The following RGS17 variants were observed in gnomAD, a reference collection of about 807,000 sequenced individuals.
RGS17 encodes the protein regulator of G protein signaling 17.
In RGS17, 12 loss-of-function variants were observed where a neutral mutation model predicts 25.5. That is an observed-to-expected ratio of 0.47 (90% CI 0.30 to 0.76). The LOEUF is 0.76. RGS17 is among the 30% of genes least tolerant of loss of function. RGS17 has a pLI of 0.07. For missense variants in RGS17, 196 were observed against 242.2 expected (o/e 0.81, Z 1.27); for synonymous variants, 71 against 76.9 (o/e 0.92, Z 0.40).
intron 1 of RGS17, among the ~76,000 whole-genome samples, chr6:153,111,431 G>A (rs3968480): frequency 0.47 from 71,015 of 152,050 alleles, 17,232 homozygotes; most frequent in East Asian, 0.85. Flanking sequence ...AAGAAAGGCA[G>A]CAGCCCCAGT....
chr6:153,100,809 A>T (rs1777291987), intron 1 of RGS17, among the ~76,000 whole-genome samples: 1 of 152,230 alleles, frequency 6.6e-6, no homozygotes, highest in South Asian at 2.1e-4. Flanking sequence ...AACAGACCGT[A>T]ACCTACTCTT....
chr6:153,092,757 G>A (rs939229876), intron 1 of RGS17, among the ~76,000 whole-genome samples: 1 of 152,214 alleles, frequency 6.6e-6, no homozygotes, highest in Non-Finnish European at 1.5e-5. Context: ...AACAGTGTCT[G>A]ATGACTCATA....
intron 1 of RGS17, among the ~76,000 whole-genome samples, chr6:153,085,816 G>T (rs1315830049): frequency 6.6e-6 from 1 of 151,986 alleles, no homozygotes; most frequent in Non-Finnish European, 1.5e-5. Flanking sequence ...AAAAAATAGA[G>T]CCCATGTACC....
chr6:153,029,307 G>T (rs1779336210), intron 2 of RGS17, among the ~76,000 whole-genome samples: 2 of 152,168 alleles, frequency 1.3e-5, no homozygotes, highest in Non-Finnish European at 2.9e-5. Flanking sequence ...CAAGGTTTCA[G>T]TTATCAAGAA....
intron 1 of RGS17, among the ~76,000 whole-genome samples, chr6:153,049,004 A>C (rs1046114946): frequency 6.6e-6 from 1 of 152,208 alleles, no homozygotes; most frequent in Non-Finnish European, 1.5e-5. Flanking sequence ...CATTCCTATT[A>C]ACGATAAGAA....
chr6:153,053,999 TAC>T (rs1776507016), intron 1 of RGS17, among the ~76,000 whole-genome samples: 4 of 58,792 alleles, frequency 6.8e-5, no homozygotes, highest in Admixed American at 2.0e-4. Flanking sequence ...ATAATATATA[TAC>T]ATATATACGT....
In RGS17 at chr6:153,054,116, GTA is replaced by G. The variant is rs1197939021; in HGVS notation, c.-25-10075_-25-10074del. ...TTTATATATATATATATATATATGT[GTA>G]TATATATATATATACAGCTTTATAC... is the stretch of plus-strand genomic sequence containing the variant. On this transcript the variant is annotated intron_variant, in intron 1 of 4. Coordinates refer to ENST00000206262, the MANE Select transcript of RGS17 (RefSeq NM_012419.5). Among the ~76,000 whole-genome samples, 34 of 38,634 alleles carry G rather than the reference GTA, an allele frequency of 8.8e-4. 5 individuals are homozygous for G. Among genetic ancestry groups the G allele is most frequent in the Non-Finnish European group, 1.1e-3 (25 of 22,874 alleles). 25.3% of individuals were successfully genotyped at this position (38,634 alleles called of 152,430 possible).
chr6:153,090,844 A>C (rs1316166082), intron 1 of RGS17, among the ~76,000 whole-genome samples: 1 of 130,118 alleles, frequency 7.7e-6, no homozygotes, highest in African/African-American at 3.1e-5. Flanking sequence ...TTCAGTAAAA[A>C]AACATAGTAT....
chr6:153,073,809 G>C (rs547976894), intron 1 of RGS17, among the ~76,000 whole-genome samples: 1 of 152,232 alleles, frequency 6.6e-6, no homozygotes, highest in African/African-American at 2.4e-5. Context: ...AACCATTATA[G>C]ATCAGTCTCC....
intron 1 of RGS17, among the ~76,000 whole-genome samples, chr6:153,090,133 T>A (rs971142424): frequency 3.9e-5 from 6 of 152,298 alleles, no homozygotes; most frequent in South Asian, 2.1e-4. Flanking sequence ...TCAGTTTAGC[T>A]AAGATAAAAA....
chr6:153,095,257 C>A (rs1777192470), intron 1 of RGS17, among the ~76,000 whole-genome samples: 1 of 151,976 alleles, frequency 6.6e-6, no homozygotes, highest in Non-Finnish European at 1.5e-5. Flanking sequence ...ATGAAATATT[C>A]TTGGATATTG....
intron 1 of RGS17, among the ~76,000 whole-genome samples, chr6:153,056,825 T>C (rs1337871102): frequency 2.0e-5 from 3 of 150,488 alleles, no homozygotes; most frequent in African/African-American, 7.4e-5. Flanking sequence ...TGAAAAACTC[T>C]TAAGAGGAAG....
At chr6:153,106,824 C>T (rs966402619) in intron 1 of RGS17, among the ~76,000 whole-genome samples, 2 of 151,468 alleles carry the variant, frequency 1.3e-5, no homozygotes, top group African/African-American at 4.8e-5. Flanking sequence ...AGTAGAAATG[C>T]GGTTTCACCA....
intron 1 of RGS17, among the ~76,000 whole-genome samples, chr6:153,088,774 A>G (rs1777086265): frequency 6.6e-6 from 1 of 152,066 alleles, no homozygotes. Context: ...ACTGGAAGTA[A>G]CTGTGCAGGT....
intron 2 of RGS17, among the ~76,000 whole-genome samples, chr6:153,032,675 TAATC>T (rs890437239): frequency 6.6e-6 from 1 of 152,142 alleles, no homozygotes; most frequent in African/African-American, 2.4e-5. Context: ...GTGAGTGTAA[TAATC>T]AAACTCGAAG....
chr6:153,071,057 G>GC (rs1562326282), intron 1 of RGS17, among the ~76,000 whole-genome samples: 1 of 149,172 alleles, frequency 6.7e-6, no homozygotes, highest in Non-Finnish European at 1.5e-5. Flanking sequence ...ATGTGTATAC[G>GC]CATATGTACA....
chr6:153,041,860 T>C (rs1308549155), intron 2 of RGS17, among the ~76,000 whole-genome samples: 3 of 152,252 alleles, frequency 2.0e-5, no homozygotes, highest in Non-Finnish European at 4.4e-5. Flanking sequence ...TGATCTTTAT[T>C]TTCCAATATG....
chr6:153,035,901 C>G (rs957902457), intron 2 of RGS17, among the ~76,000 whole-genome samples: 4 of 152,168 alleles, frequency 2.6e-5, no homozygotes, highest in Middle Eastern at 3.2e-3. Flanking sequence ...TACAGAGAAG[C>G]TTGGTTCTCT....
chr6:153,071,239 C>T (rs988025312), intron 1 of RGS17, among the ~76,000 whole-genome samples: 7 of 151,050 alleles, frequency 4.6e-5, no homozygotes, highest in Non-Finnish European at 1.0e-4. Flanking sequence ...CACACATACA[C>T]ATAAACTATA....
Sources: gnomAD v4.1 joint callset for allele counts (sites outside exome capture counted in the v4.1 genomes callset) on GRCh38, gnomAD v4.1.1 for gene constraint, MANE v1.5 for transcripts, NCBI Gene and HGNC (gene_info 2026-07-23, HGNC 2026-07-21) for gene names.